CFAP74: variants seen among roughly 807,000 people sequenced by gnomAD.
The protein encoded by CFAP74 is cilia- and flagella-associated protein 74.
Under a neutral mutation model 188.9 loss-of-function variants are expected in CFAP74, and 124 were observed. The ratio of observed to expected loss-of-function variants is 0.66; its 90% CI spans 0.57 to 0.76. The LOEUF is 0.76. Among genes scored for constraint, CFAP74 ranks in the 30% least tolerant of loss-of-function variants. CFAP74 has a pLI of 0.00. For missense variants in CFAP74, 2,198 were observed against 2,165.2 expected, an observed-to-expected ratio of 1.02 and a Z score of -0.30; for synonymous variants, 956 against 916.7, an observed-to-expected ratio of 1.04 and a Z score of -0.77.
At chr1:1,944,614 T>G (rs1410517031) in intron 20 of CFAP74, among the ~76,000 whole-genome samples, 162 bp from the exon 21 acceptor site, 1 of 152,240 alleles carries the variant, frequency 6.6e-6, no homozygotes, top group African/African-American at 2.4e-5. Flanking sequence ...TTCAAAATAT[T>G]CTTTTTTTTT....
intron 18 of CFAP74, chr1:1,953,433 T>A (rs1654325044): frequency 6.6e-6 from 1 of 152,070 alleles, no homozygotes; most frequent in South Asian, 2.1e-4. Context: ...GTAGCTGGGA[T>A]TACAGGCGCC....
intron 11 of CFAP74, among the ~76,000 whole-genome samples, chr1:1,967,201 G>A (rs912461221): frequency 1.3e-5 from 2 of 152,190 alleles, no homozygotes; most frequent in Admixed American, 1.3e-4. Context: ...CAGGAGGATG[G>A]CTGTGGTGGT....
Position 1,987,018 on chromosome 1 carries a change from C to G in CFAP74, c.314G>C (p.Cys105Ser), listed in dbSNP as rs760287764. Residue 105 changes from cysteine (C) to serine (S), a missense_variant, in exon 5 of 39, where the codon TGT becomes TCT. Transcript: ENST00000682832. ...GTCGATCAGGTCCCGCCTCTGCCGA[C>G]AGGCGCGCAGCTCCCCTCTGGAACA... ...TEKMRGELRACRQRRDLIDKQ... is the reference protein window; with the variant it reads ...TEKMRGELRASRQRRDLIDKQ... 2.5e-6 allele frequency: 4 copies of G among 1,599,300 alleles called. No homozygotes were observed. In the Admixed American group the frequency reaches 6.7e-5, roughly 27 times the overall value.
In CFAP74 at chr1:1,956,752, G is replaced by A. The variant is rs1467344560; in HGVS notation, c.1884C>T (p.Gly628=). The A allele has an allele frequency of 6.2e-7, 1 of 1,613,706 alleles. No homozygotes were observed. The highest frequency in any genetic ancestry group is 8.5e-7 in the Non-Finnish European group (1 of 1,179,820). Residue 628 remains glycine (G), a synonymous_variant, in exon 17 of 39, where the codon GGC becomes GGT. Coordinates refer to ENST00000682832, the MANE Select transcript of CFAP74 (RefSeq NM_001304360.2). The part of the protein sequence containing the change: ...LSLDKELIDF[G]SYVVGETTSR... ...ACGTGGTCTCTCCTACCACGTAGCT[G>A]CCGAAGTCAATGAGCTCCTTGTCGA...
chr1:1,977,049 C>T (rs187616167), intron 6 of CFAP74, among the ~76,000 whole-genome samples: 5 of 151,996 alleles, frequency 3.3e-5, no homozygotes, highest in African/African-American at 7.2e-5. Context: ...GGGGTTTCAC[C>T]GTGTTAGCCA....
rs572015624 is a variant in CFAP74, at chr1:1,935,537, C to A, written c.3011+3318G>T. 2.3e-3 allele frequency among the ~76,000 whole-genome samples: 77 copies of A among 33,118 alleles called. 1 individual carries two copies. Among genetic ancestry groups the A allele is most frequent in the African/African-American group, 7.2e-3 (73 of 10,078 alleles). The allele number at this position is 33,118 out of a possible 152,430, so 21.7% of individuals were successfully genotyped here. A position where few individuals can be genotyped will look rare whatever the true frequency, so the allele number is the denominator to read the frequency against. On this transcript the variant is annotated intron_variant, in intron 25 of 38. Transcript: ENST00000682832. ...TAGGTTGTAGGTACACACGTGTGTA[C>A]CTGTTAGGTTGTAGGTATACACGTG...
rs1199495924 is a variant in CFAP74 at position 1,981,687 on chromosome 1, A to T, written c.500+3699T>A. On this transcript the variant is annotated intron_variant, in intron 6 of 38. Coordinates refer to ENST00000682832, the MANE Select transcript of CFAP74 (RefSeq NM_001304360.2). Reference sequence around the variant, plus strand: ...GGGCACGCAGGACACCCAGCCGCGGACAGACACGGGGGCACGCAGGACACC... The same window carrying T: ...GGGCACGCAGGACACCCAGCCGCGGTCAGACACGGGGGCACGCAGGACACC... Among the ~76,000 whole-genome samples, 435 of 115,808 alleles carry T rather than the reference A, an allele frequency of 3.8e-3. 6 individuals carry two copies. Among genetic ancestry groups the T allele is most frequent in the Non-Finnish European group, 5.3e-3 (307 of 58,344 alleles). 76.0% of individuals were successfully genotyped at this position (115,808 alleles called of 152,430 possible). A position where few individuals can be genotyped will look rare whatever the true frequency, so the allele number is the denominator to read the frequency against.
intron 18 of CFAP74, among the ~76,000 whole-genome samples, chr1:1,948,594 G>GTTT (rs56188156): frequency 0.035 from 4,247 of 121,960 alleles, 300 homozygotes; most frequent in Non-Finnish European, 0.04. Flanking sequence ...CTTTCTTCTT[G>GTTT]TTTTTTTTTT....
At chr1:1,922,884 G>T in intron 37 of CFAP74, 101 bp downstream of exon 37, 1 of 1,492,018 alleles carries the variant, frequency 6.7e-7, no homozygotes, top group Non-Finnish European at 9.0e-7. Flanking sequence ...CGGCTGTCAG[G>T]ACAAGCCCAG....
rs1557977150 is a variant in CFAP74, at chr1:1,922,225, C to T, written c.*62G>A. 20 of 1,300,040 alleles carry T rather than the reference C, an allele frequency of 1.5e-5. No individual in the cohort carries two copies. The highest frequency in any genetic ancestry group is 9.9e-5 in the South Asian group (8 of 81,126). 80.5% of individuals were successfully genotyped at this position (1,300,040 alleles called of 1,614,324 possible). On this transcript the variant is annotated 3_prime_UTR_variant, in exon 39 of 39. Coordinates refer to ENST00000682832, the MANE Select transcript of CFAP74 (RefSeq NM_001304360.2). The stretch of plus-strand genomic sequence containing the variant: ...AGGCTCTAGGGTAGTATGACCTGGC[C>T]CTCAGCCTGGGGAGGGCTTTGAGGG...
At position 1,969,463 on chromosome 1, in the gene CFAP74, C is replaced by T. The variant is rs1481770349; in HGVS notation, c.1047-630G>A. Among the ~76,000 whole-genome samples the T allele has an allele frequency of 3.4e-5, 5 of 148,842 alleles. No homozygotes were observed. The South Asian group carries it at 1.1e-3, about 32-fold the overall frequency. On this transcript the variant is annotated intron_variant, in intron 10 of 38. Transcript: ENST00000682832. ...AAGTCCAGTCCTGCCCAGCCCTGCC[C>T]AGCCCAGCCCTGCCCGGCCCAGCCC...
intron 6 of CFAP74, among the ~76,000 whole-genome samples, chr1:1,980,742 C>T (rs77942583): frequency 0.051 from 7,778 of 152,288 alleles, 284 homozygotes; most frequent in Non-Finnish European, 0.08. Flanking sequence ...ATTCCAAGGA[C>T]CCTCGGCTGT....
intron 13 of CFAP74, among the ~76,000 whole-genome samples, chr1:1,964,414 C>T (rs931265418): frequency 6.6e-6 from 1 of 152,232 alleles, no homozygotes; most frequent in Admixed American, 6.5e-5. Context: ...GGATGGGGCC[C>T]TCTCCCTCCA....
At chr1:1,999,024 C>T (rs1224356228) in intron 1 of CFAP74, among the ~76,000 whole-genome samples, 1 of 152,202 alleles carries the variant, frequency 6.6e-6, no homozygotes, top group Non-Finnish European at 1.5e-5. Flanking sequence ...CTATCCAAAT[C>T]CCAACAGAAA....
chr1:1,971,021 T>C (rs376032361), intron 9 of CFAP74, among the ~76,000 whole-genome samples: 19 of 123,940 alleles, frequency 1.5e-4, no homozygotes, highest in African/African-American at 5.1e-4. Flanking sequence ...CATGCACACA[T>C]CACACATGCA....
At position 1,927,005 on chromosome 1, in the gene CFAP74, C is replaced by T. The variant is rs1377769654; in HGVS notation, c.3551G>A (p.Arg1184Gln). ...CTGGAACGCTCTGAGCAGGGTGGCT[C>T]GGGCGGCCTGGTACTCGTCGGAACT... ...RPSSDEYQAA[R>Q]ATLLRAFQAK... Residue 1184 changes from arginine (R) to glutamine (Q), a missense_variant, in exon 29 of 39, where the codon CGA becomes CAA. Arg to Gln is a conservative substitution (Grantham distance 43). Coordinates refer to ENST00000682832, the MANE Select transcript of CFAP74 (RefSeq NM_001304360.2). 8 of 1,550,068 alleles carry T rather than the reference C, an allele frequency of 5.2e-6. No homozygotes were observed. Among genetic ancestry groups the T allele is most frequent in the Middle Eastern group, 1.7e-4 (1 of 6,012 alleles).
chr1:1,988,831 C>G, intron 3 of CFAP74, 58 bp downstream of exon 3: 1 of 442,530 alleles, frequency 2.3e-6, no homozygotes, highest in Non-Finnish European at 4.0e-6. Context: ...CACCCCCCCA[C>G]CCCCACCCCC....
Position 1,973,561 on chromosome 1 carries a change from G to T in CFAP74, c.674+464C>A, listed in dbSNP as rs1186278825. 6.6e-6 allele frequency among the ~76,000 whole-genome samples: 1 copy of T among 152,076 alleles called. No homozygotes were observed. The highest frequency in any genetic ancestry group is 1.5e-5 in the Non-Finnish European group (1 of 68,006). On this transcript the variant is annotated intron_variant, in intron 7 of 38. Coordinates refer to ENST00000682832, the MANE Select transcript of CFAP74 (RefSeq NM_001304360.2). This position sits in a 1 kb window ranked among gnomAD's most constrained non-coding sequence, Gnocchi z 6.2. The stretch of plus-strand genomic sequence containing the variant: ...GGGGACTGGCCTAGTAGGTGGCCGG[G>T]CCCTGGCTGAGCAGGAGACTCATGA...
In CFAP74 at chr1:1,966,363, G is replaced by T; in HGVS notation, c.1401+8C>A. On this transcript the variant is annotated splice_region_variant and intron_variant, in intron 12 of 38. Coordinates refer to ENST00000682832, the MANE Select transcript of CFAP74 (RefSeq NM_001304360.2). ...TCTGCAAGCGTCTAAAGGAGCAGGAGCTGATACCTGGTATGGCTTGTAGTC... is the reference window on the plus strand; with the variant it reads ...TCTGCAAGCGTCTAAAGGAGCAGGATCTGATACCTGGTATGGCTTGTAGTC... The T allele has an allele frequency of 6.6e-7, 1 of 1,523,718 alleles. No homozygotes were observed. Among genetic ancestry groups the T allele is most frequent in the Admixed American group, 2.1e-5 (1 of 48,566 alleles). The allele number at this position is 1,523,718 out of a possible 1,614,324, so 94.4% of individuals were successfully genotyped here. A position where few individuals can be genotyped will look rare whatever the true frequency, so the allele number is the denominator to read the frequency against.
Sources: gnomAD v4.1 joint callset for allele counts (sites outside exome capture counted in the v4.1 genomes callset) on GRCh38, gnomAD v4.1.1 for gene constraint, Gnocchi (gnomAD v3.1) non-coding constraint, MANE v1.5 for transcripts, NCBI Gene and HGNC (gene_info 2026-07-23, HGNC 2026-07-21) for gene names.